TRIO: variants seen among roughly 807,000 people sequenced by gnomAD.
TRIO encodes the protein trio Rho guanine nucleotide exchange factor.
In TRIO, 58 loss-of-function variants were observed where a neutral mutation model predicts 351.9. The observed-to-expected ratio is 0.16, with a 90% CI of 0.13 to 0.21. The LOEUF (loss-of-function observed/expected upper bound fraction) is 0.21, where lower values mean the gene tolerates loss of function less well. TRIO is among the 10% of genes least tolerant of loss of function. TRIO has a pLI of 1.00. For synonymous variants in TRIO, 1,758 were observed against 1,595.7 expected (o/e 1.10, Z -2.42); for missense variants, 3,201 against 4,027.8 (o/e 0.79, Z 5.56).
chr5:14,269,170 G>A (rs1483584780), intron 1 of TRIO, among the ~76,000 whole-genome samples: 6 of 152,270 alleles, frequency 3.9e-5, no homozygotes, highest in East Asian at 1.9e-4. Context: ...GTCCTCAGCC[G>A]GATGTGTTTG....
At chr5:14,240,332 TCTCAGTGGGGATAAA>T (rs755626825) in intron 1 of TRIO, among the ~76,000 whole-genome samples, 90 of 152,170 alleles carry the variant, frequency 5.9e-4, no homozygotes, top group Non-Finnish European at 1.1e-3. Flanking sequence ...ATCATGAGCT[TCTCAGTGGGGATAAA>T]GGAAGAAAAG....
chr5:14,388,204 G>A (rs188275709), intron 23 of TRIO, among the ~76,000 whole-genome samples: 76 of 152,302 alleles, frequency 5.0e-4, no homozygotes, highest in African/African-American at 1.7e-3. Context: ...AAAAAAGAGT[G>A]CTCTAATCCA....
intron 33 of TRIO, among the ~76,000 whole-genome samples, chr5:14,419,253 G>A (rs1268994014): frequency 6.6e-6 from 1 of 152,062 alleles, no homozygotes; most frequent in Non-Finnish European, 1.5e-5. Context: ...CCCTGGACAA[G>A]CAGGAGGAGG....
At chr5:14,336,772 C>CT (rs1561357666) in intron 11 of TRIO, 45 bp downstream of exon 11, 8 of 1,597,896 alleles carry the variant, frequency 5.0e-6, no homozygotes, top group African/African-American at 1.3e-5. Flanking sequence ...TTGAAAGGGT[C>CT]TTTGAACTCT....
rs1179793413 is a variant in TRIO at position 14,487,880 on chromosome 5, C to G, written c.7252C>G (p.Pro2418Ala). The change falls in exon 48 of 57, where the codon CCC becomes GCC. Residue 2418 changes from proline to alanine, a missense_variant. This residue lies in a region of TRIO where 1,089 missense variants were observed against 954.9 expected (regional missense o/e 1.14). Coordinates refer to ENST00000344204, the MANE Select transcript of TRIO (RefSeq NM_007118.4). ...CCCCAAGATGAAGGTGCTGGAGAGC[C>G]CCAGGAAAGGCGCCGCGAACGCCTC... Reference protein sequence around the residue: ...PIPKMKVLESPRKGAANASGS... With the variant: ...PIPKMKVLESARKGAANASGS... The G allele has an allele frequency of 6.5e-7, 1 of 1,540,954 alleles. No homozygotes were observed. The highest frequency in any genetic ancestry group is 2.0e-5 in the Admixed American group (1 of 49,996).
chr5:14,187,654 C>T (rs1284066076), intron 1 of TRIO, among the ~76,000 whole-genome samples: 1 of 152,130 alleles, frequency 6.6e-6, no homozygotes, highest in Admixed American at 6.5e-5. Context: ...CAAGATTTGA[C>T]ATGTGCATTT....
chr5:14,144,823 G>GGCCCGCGTCCCCGCGTCCCGCGTCCCCGC (rs1787398700), intron 1 of TRIO, among the ~76,000 whole-genome samples: 1 of 151,854 alleles, frequency 6.6e-6, no homozygotes, highest in Non-Finnish European at 1.5e-5. Context: ...GCGCGAGCCG[G>GGCCCGCGTCCCCGCGTCCCGCGTCCCCGC]GCCCGCGTCC....
chr5:14,340,789 C>A (rs1466763566), intron 11 of TRIO, among the ~76,000 whole-genome samples: 2 of 152,134 alleles, frequency 1.3e-5, no homozygotes, highest in Admixed American at 1.3e-4. Flanking sequence ...GGTTCTTTTA[C>A]CCCAGAGGAC....
rs564611195 is a variant in TRIO, at chr5:14,183,581, ACT to A, written c.157+39702_157+39703del. Among the ~76,000 whole-genome samples the A allele has an allele frequency of 2.0e-3, 185 of 94,394 alleles. 1 individual carries two copies. The highest frequency in any genetic ancestry group is 7.1e-3 in the African/African-American group (176 of 24,848). 61.9% of individuals were successfully genotyped at this position (94,394 alleles called of 152,430 possible). On this transcript the variant is annotated intron_variant, in intron 1 of 56. Transcript: ENST00000344204. The stretch of plus-strand genomic sequence containing the variant: ...CCCCCCCAAGAAAAGCCCTAAAGAA[ACT>A]CTGAGTAATTAAAAAGAGAAAAAAA...
intron 13 of TRIO, among the ~76,000 whole-genome samples, chr5:14,361,733 G>T (rs568897705): frequency 6.6e-6 from 1 of 152,336 alleles, no homozygotes; most frequent in South Asian, 2.1e-4. Context: ...AGGTGCATAG[G>T]ATCCACGGAA....
intron 1 of TRIO, among the ~76,000 whole-genome samples, chr5:14,218,582 A>G (rs912795115): frequency 6.6e-6 from 1 of 152,214 alleles, no homozygotes; most frequent in African/African-American, 2.4e-5. Flanking sequence ...GTCTCAGGCA[A>G]GTCTTAAGGA....
intron 34 of TRIO, among the ~76,000 whole-genome samples, chr5:14,422,232 G>A (rs553467073): frequency 1.7e-4 from 26 of 152,262 alleles, no homozygotes; most frequent in African/African-American, 5.3e-4. Flanking sequence ...CCTCACCCTC[G>A]CTTCAGAACT....
At chr5:14,228,019 G>T (rs904327968) in intron 1 of TRIO, among the ~76,000 whole-genome samples, 1 of 152,022 alleles carries the variant, frequency 6.6e-6, no homozygotes, top group African/African-American at 2.4e-5. Context: ...CTGAGCTTTT[G>T]GGGGGATTCA....
chr5:14,418,858 G>A (rs1451149734), intron 33 of TRIO: 3 of 152,302 alleles, frequency 2.0e-5, no homozygotes, highest in Non-Finnish European at 2.9e-5. Flanking sequence ...GAGCGCATGA[G>A]CCCTGTCCCC....
At position 14,387,509 on chromosome 5, in the gene TRIO, G is replaced by A. The variant is rs775060128; in HGVS notation, c.3642G>A (p.Ala1214=). 1.2e-5 allele frequency: 19 copies of A among 1,614,068 alleles called. No individual in the cohort carries two copies. The highest frequency in any genetic ancestry group is 9.3e-5 in the African/African-American group (7 of 74,922). The change falls in exon 22 of 57, where the codon GCG becomes GCA. Residue 1214 remains alanine (A), a synonymous_variant. Transcript: ENST00000344204. The part of the protein sequence containing the change: ...DGFCEKGHAH[A]AEIKKCVTAV... ...TTTGTGAAAAAGGGCATGCCCATGC[G>A]GCAGAGATAAAAAAATGTGTTACTG...
intron 53 of TRIO, 105 bp from the exon 54 acceptor site, chr5:14,502,474 C>CAGA: frequency 1.9e-6 from 2 of 1,077,380 alleles, no homozygotes; most frequent in East Asian, 4.9e-5. Context: ...GGCAGGTGCC[C>CAGA]GGTGGCCACG....
At chr5:14,161,020 C>G (rs1476294289) in intron 1 of TRIO, among the ~76,000 whole-genome samples, 2 of 152,142 alleles carry the variant, frequency 1.3e-5, no homozygotes, top group Admixed American at 1.3e-4. Context: ...AAGCGATTCT[C>G]CTGCCTTAGT....
In TRIO at chr5:14,387,765, A is replaced by C; in HGVS notation, c.3799A>C (p.Ser1267Arg). Residue 1267 changes from serine (S) to arginine (R), a missense_variant, in exon 23 of 57, where the codon AGT (serine) becomes CGT (arginine). Around this residue, in one of 19 missense-constraint regions of TRIO, gnomAD observed 201 missense variants for 266.5 expected, o/e 0.75. Transcript: ENST00000344204. ...TCTCCAGCTAGATATCATTCCAGCC[A>C]GTATCCCTGGCTCAGAGGTGAAACT... Reference protein sequence around the residue: ...KSLQLDIIPASIPGSEVKLRD... With the variant: ...KSLQLDIIPARIPGSEVKLRD... 1.9e-6 allele frequency: 3 copies of C among 1,614,252 alleles called. No individual in the cohort carries two copies. The highest frequency in any genetic ancestry group is 2.5e-6 in the Non-Finnish European group (3 of 1,180,050).
chr5:14,358,150 G>GGCCT (rs1368653666), intron 11 of TRIO, 28 bp from the exon 12 acceptor site: 1 of 1,599,798 alleles, frequency 6.3e-7, no homozygotes, highest in Non-Finnish European at 8.5e-7. Flanking sequence ...CAGGCCGGCC[G>GGCCT]GCCTCACCCC....
Sources: allele counts gnomAD v4.1 joint callset (sites outside exome capture counted in the v4.1 genomes callset), GRCh38; gene constraint gnomAD v4.1.1; regional missense constraint gnomAD v4.1.1; transcripts MANE v1.5; gene names NCBI Gene and HGNC (gene_info 2026-07-23, HGNC 2026-07-21).